GGA3: variants seen among roughly 807,000 people sequenced by gnomAD.
The protein encoded by GGA3 is golgi associated, gamma adaptin ear containing, ARF binding protein 3, also known as ADP-ribosylation factor-binding protein GGA3.
Under a neutral mutation model 77.5 loss-of-function variants are expected in GGA3, and 57 were observed. The observed-to-expected ratio is 0.74, with a 90% CI of 0.59 to 0.92. GGA3 has a LOEUF of 0.92. GGA3 is among the 40% of genes least tolerant of loss of function. The pLI is 0.00. For synonymous variants in GGA3, 416 were observed against 383.7 expected (o/e 1.08, Z -0.98); for missense variants, 970 against 914.9 (o/e 1.06, Z -0.78).
chr17:75,240,909 A>C lies in GGA3; in HGVS notation c.1095T>G (p.Pro365=). 1 of 1,613,660 alleles carries C rather than the reference A, an allele frequency of 6.2e-7. No homozygotes were observed. ...CCTGGCTAGAGGAGCGGCTCCGTGG[A>C]GGTCCTGAGGCCTGGGGTGGTGGAG... ...ILPPPPQASG[P]PRSRSSSQAE... Residue 365 remains proline, a synonymous_variant, in exon 11 of 17, where the codon CCT becomes CCG. Transcript: ENST00000537686.
chr17:75,244,095 G>A (rs375387721), intron 4 of GGA3, among the ~76,000 whole-genome samples: 15 of 152,244 alleles, frequency 9.9e-5, no homozygotes, highest in African/African-American at 3.4e-4. Flanking sequence ...TCTGAGGAAA[G>A]TGCATTTTCA....
chr17:75,243,062 C>T lies in GGA3; in HGVS notation c.528+1G>A, dbSNP rs749463124. On this transcript the variant is annotated splice_donor_variant, in intron 6 of 16. Transcript: ENST00000537686. LOFTEE classifies it high-confidence loss of function. Reference sequence around the variant, plus strand: ...AATCCCAGGCCCAGGGTGTCCTTTACCTTGGACTTCTCCTCATCATCAAAA... The same window carrying T: ...AATCCCAGGCCCAGGGTGTCCTTTATCTTGGACTTCTCCTCATCATCAAAA... 2.5e-6 allele frequency: 4 copies of T among 1,607,928 alleles called. No homozygotes were observed. Among genetic ancestry groups the T allele is most frequent in the Non-Finnish European group, 3.4e-6 (4 of 1,174,478 alleles).
intron 1 of GGA3, among the ~76,000 whole-genome samples, chr17:75,254,931 C>T (rs948399555): frequency 3.9e-5 from 6 of 152,106 alleles, no homozygotes; most frequent in African/African-American, 9.7e-5. Context: ...TGTGTGGGAC[C>T]CCACTGAAAA....
intron 9 of GGA3, 46 bp downstream of exon 9, chr17:75,241,569 A>G: frequency 6.2e-7 from 1 of 1,603,478 alleles, no homozygotes; most frequent in Non-Finnish European, 8.5e-7. Context: ...TCCCACCCAC[A>G]TATCCAAATG....
chr17:75,261,832 C>T, upstream of GGA3: 13 of 1,515,216 alleles, frequency 8.6e-6, no homozygotes, highest in Non-Finnish European at 1.2e-5. Context: ...GAGTCTTTTT[C>T]ACCCGTTTCC....
At chr17:75,242,977 G>A (rs1180490809) in intron 6 of GGA3, 66 bp from the exon 7 acceptor site, 2 of 1,492,892 alleles carry the variant, frequency 1.3e-6, no homozygotes, top group Non-Finnish European at 1.9e-6. Flanking sequence ...AAACCCCAGA[G>A]GCTCCCCGCA....
upstream of GGA3, chr17:75,262,085 G>C: frequency 7.4e-7 from 1 of 1,357,114 alleles, no homozygotes; most frequent in South Asian, 1.2e-5. Context: ...CTGGGGGCCG[G>C]AGTATCTGGA....
intron 1 of GGA3, among the ~76,000 whole-genome samples, chr17:75,249,802 C>T (rs1451938868): frequency 1.3e-5 from 2 of 152,290 alleles, no homozygotes; most frequent in African/African-American, 2.4e-5. Flanking sequence ...ATCCCCCCAA[C>T]CCCCGAAGCA....
At chr17:75,259,411 C>A (rs905174548) in intron 1 of GGA3, among the ~76,000 whole-genome samples, 1 of 152,078 alleles carries the variant, frequency 6.6e-6, no homozygotes, top group Non-Finnish European at 1.5e-5. Context: ...AAAAGAGAAT[C>A]TGAGATGGGT....
At chr17:75,240,446 GCT>G (rs1567780766) in intron 11 of GGA3, 34 bp from the exon 12 acceptor site, 5 of 1,434,006 alleles carry the variant, frequency 3.5e-6, no homozygotes, top group African/African-American at 1.4e-5. Context: ...ATGAGAAGAG[GCT>G]CTGAGCTAGG....
chr17:75,238,596 C>G (rs752951228), intron 16 of GGA3, 56 bp downstream of exon 16: 1 of 1,293,808 alleles, frequency 7.7e-7, no homozygotes, highest in South Asian at 1.3e-5. Flanking sequence ...GCCTGACGTC[C>G]TAATCTGGGG....
At position 75,241,626 on chromosome 17, in the gene GGA3, T is replaced by C. The variant is rs1468797803; in HGVS notation, c.818A>G (p.Asp273Gly). ...FKLASETEDN[D>G]NSLGDILQAS... is the part of the protein sequence containing the mutation. ...GCTCTTTCACTCACCCAAACTGTTATCATTGTCCTCAGTCTCACTGGCGAG... is the reference window on the plus strand; with the variant it reads ...GCTCTTTCACTCACCCAAACTGTTACCATTGTCCTCAGTCTCACTGGCGAG... Residue 273 changes from aspartate to glycine, a missense_variant, in exon 9 of 17, where the codon GAT becomes GGT. By Grantham distance (94) the Asp-to-Gly change is moderately conservative (BLOSUM62 -1). Transcript: ENST00000537686. 1 of 1,614,032 alleles carries C rather than the reference T, an allele frequency of 6.2e-7. No individual in the cohort carries two copies. The highest frequency in any genetic ancestry group is 1.3e-5 in the African/African-American group (1 of 75,028).
At chr17:75,249,351 T>C (rs939873948) in intron 1 of GGA3, among the ~76,000 whole-genome samples, 8 of 152,178 alleles carry the variant, frequency 5.3e-5, no homozygotes, top group Non-Finnish European at 1.0e-4. Context: ...CCTAGGTTCC[T>C]CTTTAGAAGA....
chr17:75,254,682 A>G (rs537577514), intron 1 of GGA3, among the ~76,000 whole-genome samples: 1 of 152,342 alleles, frequency 6.6e-6, no homozygotes, highest in South Asian at 2.1e-4. Flanking sequence ...CAAGGTGTAC[A>G]ATAATAGAGT....
intron 4 of GGA3, 47 bp from the exon 5 acceptor site, chr17:75,243,617 CAG>C (rs1160805943): frequency 1.3e-6 from 2 of 1,598,090 alleles, no homozygotes; most frequent in South Asian, 2.2e-5. Flanking sequence ...AGTTCGGAGG[CAG>C]AGAAAGTGTA....
rs369877572 is a variant in GGA3, at chr17:75,240,904, C to A, written c.1100G>T (p.Arg367Leu). The A allele has an allele frequency of 6.2e-7, 1 of 1,613,646 alleles. No homozygotes were observed. Among genetic ancestry groups the A allele is most frequent in the Admixed American group, 1.7e-5 (1 of 59,976 alleles). ...CTCGGCCTGGCTAGAGGAGCGGCTC[C>A]GTGGAGGTCCTGAGGCCTGGGGTGG... ...PPPPQASGPP[R>L]SRSSSQAEAT... Residue 367 changes from arginine to leucine, a missense_variant, in exon 11 of 17, where the codon CGG becomes CTG. Transcript: ENST00000537686.
chr17:75,246,472 G>A (rs1324148598), intron 3 of GGA3, 37 bp downstream of exon 3: 1 of 1,363,714 alleles, frequency 7.3e-7, no homozygotes, highest in Admixed American at 1.7e-5. Flanking sequence ...GCAGGTGAAG[G>A]GCTGCGGTTT....
intron 10 of GGA3, 74 bp from the exon 11 acceptor site, chr17:75,241,131 T>C: frequency 1.9e-6 from 3 of 1,541,130 alleles, no homozygotes; most frequent in Non-Finnish European, 1.8e-6. Context: ...GGCAGCACCC[T>C]AGGCACAGAG....
chr17:75,256,287 C>T (rs2077149253), intron 1 of GGA3, among the ~76,000 whole-genome samples: 1 of 152,102 alleles, frequency 6.6e-6, no homozygotes, highest in African/African-American at 2.4e-5. Context: ...TCACTCTCTA[C>T]ATTTCTCATA....
Sources: gnomAD v4.1 joint callset for allele counts (sites outside exome capture counted in the v4.1 genomes callset) on GRCh38, gnomAD v4.1.1 for gene constraint, MANE v1.5 for transcripts, NCBI Gene and HGNC (gene_info 2026-07-23, HGNC 2026-07-21) for gene names.